The following ANKFN1 variants were observed in gnomAD, a reference collection of about 807,000 sequenced individuals.
ANKFN1 encodes the protein ankyrin repeat and fibronectin type III domain containing 1, also known as ankyrin repeat and fibronectin type-III domain-containing protein 1.
In ANKFN1, 74 loss-of-function variants were observed where a neutral mutation model predicts 108.7. That is an observed-to-expected ratio of 0.68 (90% CI 0.56 to 0.83). The LOEUF (loss-of-function observed/expected upper bound fraction) is 0.83, where lower values mean the gene tolerates loss of function less well. Among genes scored for constraint, ANKFN1 ranks in the 40% least tolerant of loss-of-function variants. ANKFN1 has a pLI of 0.00. For synonymous variants in ANKFN1, 547 were observed against 516.2 expected, an observed-to-expected ratio of 1.06 and a Z score of -0.81; for missense variants, 1,505 against 1,382.3, an observed-to-expected ratio of 1.09 and a Z score of -1.41.
chr17:56,201,695 A>G (rs1431273033), intron 1 of ANKFN1, among the ~76,000 whole-genome samples: 6 of 152,084 alleles, frequency 3.9e-5, no homozygotes, highest in African/African-American at 1.2e-4. Context: ...TTAGCTATTC[A>G]GTATATCTAA....
intron 4 of ANKFN1, among the ~76,000 whole-genome samples, chr17:56,090,981 G>T (rs1364586062): frequency 6.6e-6 from 1 of 151,176 alleles, no homozygotes; most frequent in Non-Finnish European, 1.5e-5. Context: ...GGAATTCTGT[G>T]TCTCCATCTC....
At chr17:56,369,216 G>A (rs2046745959) in intron 6 of ANKFN1, among the ~76,000 whole-genome samples, 2 of 152,100 alleles carry the variant, frequency 1.3e-5, no homozygotes, top group Admixed American at 1.3e-4. Context: ...AGAGAAGGCA[G>A]CTAAAGGAAG....
intron 5 of ANKFN1, among the ~76,000 whole-genome samples, chr17:56,353,556 T>A: frequency 6.6e-6 from 1 of 152,164 alleles, no homozygotes. Flanking sequence ...ATTAGAGTAT[T>A]TTTCAGAAGA....
chr17:56,504,829 A>ATTTT (rs5821133), intron 20 of ANKFN1, among the ~76,000 whole-genome samples: 2 of 116,502 alleles, frequency 1.7e-5, no homozygotes, highest in African/African-American at 3.3e-5. Flanking sequence ...TAATTTTTGG[A>ATTTT]TTTTTTTTTT....
At chr17:56,439,262 A>G (rs141199232) in intron 8 of ANKFN1, among the ~76,000 whole-genome samples, 210 of 152,288 alleles carry the variant, frequency 1.4e-3, no homozygotes, top group Middle Eastern at 3.4e-3. Context: ...AGAGAATGTC[A>G]TTTAAATCTT....
intron 8 of ANKFN1, among the ~76,000 whole-genome samples, chr17:56,380,021 C>T (rs943680362): frequency 1.3e-5 from 2 of 152,206 alleles, no homozygotes; most frequent in African/African-American, 4.8e-5. Context: ...ATTGGCCTGT[C>T]AAGTTCACTT....
At chr17:56,326,387 G>A (rs747985098) in intron 4 of ANKFN1, 32 bp downstream of exon 4, 3 of 1,597,806 alleles carry the variant, frequency 1.9e-6, no homozygotes, top group East Asian at 2.2e-5. Flanking sequence ...CTTTCTTCAT[G>A]TGAATATGGA....
intron 4 of ANKFN1, among the ~76,000 whole-genome samples, chr17:56,057,170 T>C (rs1410564663): frequency 2.0e-5 from 3 of 152,224 alleles, no homozygotes; most frequent in African/African-American, 7.2e-5. Flanking sequence ...TAGGTTCCAC[T>C]TCTAATTCTA....
chr17:56,482,495 T>C lies in ANKFN1; in HGVS notation c.2231T>C (p.Leu744Pro). Reference sequence around the variant, plus strand: ...CCTTACACCCCACACTCAGGGTTTCTTAACCTCCCTCTTCAGATGTTTGAA... The same window carrying C: ...CCTTACACCCCACACTCAGGGTTTCCTAACCTCCCTCTTCAGATGTTTGAA... The part of the protein sequence containing the change: ...NNPYTPHSGF[L>P]NLPLQMFELV... The change falls in exon 18 of 21, where the codon CTT (leucine) becomes CCT (proline). Residue 744 changes from leucine to proline, a missense_variant. Physicochemically the swap from Leu to Pro is moderately conservative, Grantham distance 98 (BLOSUM62 -3). Coordinates refer to ENST00000682825, the MANE Select transcript of ANKFN1 (RefSeq NM_001370326.1). 4 of 1,613,116 alleles carry C rather than the reference T, an allele frequency of 2.5e-6. No individual in the cohort carries two copies. Among genetic ancestry groups the C allele is most frequent in the Non-Finnish European group, 2.5e-6 (3 of 1,179,488 alleles).
At chr17:56,070,246 C>T (rs185286123) in intron 4 of ANKFN1, among the ~76,000 whole-genome samples, 4 of 152,258 alleles carry the variant, frequency 2.6e-5, no homozygotes, top group East Asian at 1.9e-4. Context: ...CAAAGGTGTC[C>T]GGGCAGGACT....
At chr17:56,075,028 C>T (rs1307328333) in intron 4 of ANKFN1, among the ~76,000 whole-genome samples, 1 of 152,124 alleles carries the variant, frequency 6.6e-6, no homozygotes, top group East Asian at 1.9e-4. Context: ...ATGAAGAGGT[C>T]CAGATTAAAA....
intron 14 of ANKFN1, among the ~76,000 whole-genome samples, chr17:56,461,388 G>A (rs759254953): frequency 3.9e-5 from 6 of 152,120 alleles, no homozygotes; most frequent in Non-Finnish European, 8.8e-5. Context: ...TACTCCTTTT[G>A]GAGATTGGCA....
intron 3 of ANKFN1, among the ~76,000 whole-genome samples, chr17:56,263,123 C>T (rs1049614314): frequency 2.0e-5 from 3 of 152,188 alleles, no homozygotes; most frequent in African/African-American, 7.2e-5. Context: ...AACTCAGAAA[C>T]AAGACGAACA....
chr17:56,157,815 T>A lies in ANKFN1; in HGVS notation c.-71+4285T>A, dbSNP rs1229693143. On this transcript the variant is annotated intron_variant, in intron 1 of 20. Transcript: ENST00000682825. ...CTATAGGTCAGAAAGCAGTGGAGGC[T>A]TCACTTGATTGGATACGTGGAATCC... is the stretch of plus-strand genomic sequence containing the variant. Among the ~76,000 whole-genome samples the A allele has an allele frequency of 2.0e-5, 3 of 152,194 alleles. No individual in the cohort carries two copies. In the East Asian group the frequency reaches 5.8e-4, roughly 29 times the overall value.
Position 56,333,738 on chromosome 17 carries a change from A to T in ANKFN1, c.188+7383A>T, listed in dbSNP as rs2045729306. Among the ~76,000 whole-genome samples the T allele has an allele frequency of 3.3e-5, 5 of 152,132 alleles. No homozygotes were observed. The South Asian group carries it at 1.0e-3, about 32-fold the overall frequency. ...AAGAGTTGTATGTCGAATTGGTATCATTCCTTAAAGGTCTGGTAGGCTGTA... is the reference window on the plus strand; with the variant it reads ...AAGAGTTGTATGTCGAATTGGTATCTTTCCTTAAAGGTCTGGTAGGCTGTA... On this transcript the variant is annotated intron_variant, in intron 4 of 20. Coordinates refer to ENST00000682825, the MANE Select transcript of ANKFN1 (RefSeq NM_001370326.1).
chr17:56,457,030 A>T (rs1287292023), intron 12 of ANKFN1, 70 bp downstream of exon 12: 2 of 1,422,214 alleles, frequency 1.4e-6, no homozygotes, highest in East Asian at 4.7e-5. Flanking sequence ...TTCTGAGTAG[A>T]AACTTGGTAG....
At chr17:56,199,153 A>G (rs900721833) in intron 1 of ANKFN1, among the ~76,000 whole-genome samples, 2 of 151,600 alleles carry the variant, frequency 1.3e-5, no homozygotes, top group African/African-American at 2.4e-5. Context: ...ATTTTTTCCT[A>G]TAAGTCCTGC....
chr17:56,444,910 C>T (rs1428453006), intron 10 of ANKFN1, among the ~76,000 whole-genome samples: 1 of 152,140 alleles, frequency 6.6e-6, no homozygotes, highest in Non-Finnish European at 1.5e-5. Context: ...AAGAGCCAGC[C>T]ATCTGTGCCT....
chr17:56,236,904 G>A (rs1228489604), intron 3 of ANKFN1, among the ~76,000 whole-genome samples: 1 of 152,066 alleles, frequency 6.6e-6, no homozygotes, highest in Non-Finnish European at 1.5e-5. Flanking sequence ...TGTTCTCTGT[G>A]GGTTTGTCAT....
Sources: gnomAD v4.1 joint callset for allele counts (sites outside exome capture counted in the v4.1 genomes callset) on GRCh38, gnomAD v4.1.1 for gene constraint, MANE v1.5 for transcripts, NCBI Gene and HGNC (gene_info 2026-07-23, HGNC 2026-07-21) for gene names.